Variants in PDE4D observed in about 807,000 individuals in gnomAD.
PDE4D encodes 3',5'-cyclic-AMP phosphodiesterase 4D.
Under a neutral mutation model 87.4 loss-of-function variants are expected in PDE4D, and 24 were observed. That is an observed-to-expected ratio of 0.27 (90% CI 0.20 to 0.39). The LOEUF (loss-of-function observed/expected upper bound fraction) is 0.39. Ranked by LOEUF, PDE4D falls within the 10% of genes least tolerant of loss-of-function variation. The pLI, the probability that PDE4D is intolerant of heterozygous loss-of-function variation, is 1.00. For missense variants in PDE4D, 714 were observed against 1,041.0 expected (o/e 0.69, Z 4.32); for synonymous variants, 384 against 383.2 (o/e 1.00, Z -0.02).
intron 1 of PDE4D, among the ~76,000 whole-genome samples, chr5:59,367,853 G>A (rs148380151): frequency 3.3e-5 from 5 of 152,284 alleles, no homozygotes; most frequent in East Asian, 3.9e-4. Flanking sequence ...AATCCACTTC[G>A]TGCCAGTTTG....
At chr5:60,376,834 A>G (rs181971140) in intron 1 of PDE4D, among the ~76,000 whole-genome samples, 3 of 152,284 alleles carry the variant, frequency 2.0e-5, no homozygotes, top group African/African-American at 7.2e-5. Context: ...TTTGTTGACT[A>G]TCTCCAAATG....
intron 1 of PDE4D, among the ~76,000 whole-genome samples, chr5:59,262,497 T>G (rs1762183880): frequency 6.6e-6 from 1 of 151,802 alleles, no homozygotes; most frequent in Non-Finnish European, 1.5e-5. Context: ...GGGAGTGTGG[T>G]AAAGCTAAAA....
At chr5:59,473,100 A>G (rs932785513) in intron 1 of PDE4D, among the ~76,000 whole-genome samples, 18 of 150,564 alleles carry the variant, frequency 1.2e-4, no homozygotes, top group African/African-American at 4.4e-4. Flanking sequence ...AAAAAAAAAA[A>G]AAAGAGAAAA....
At chr5:59,137,252 A>G (rs1346446469) in intron 5 of PDE4D, among the ~76,000 whole-genome samples, 1 of 152,202 alleles carries the variant, frequency 6.6e-6, no homozygotes, top group Non-Finnish European at 1.5e-5. Flanking sequence ...CTCTTGGATT[A>G]GGATTTCCAA....
intron 6 of PDE4D, among the ~76,000 whole-genome samples, chr5:59,020,197 G>A (rs958578905): frequency 4.6e-5 from 7 of 152,110 alleles, no homozygotes; most frequent in South Asian, 4.1e-4. Context: ...GATGTTGGCC[G>A]GGTGTGGTGA....
rs1408241529 is a variant in PDE4D at position 59,152,755 on chromosome 5, C to A, written c.808+27840G>T. On this transcript the variant is annotated intron_variant, in intron 5 of 14. Coordinates refer to ENST00000340635, the MANE Select transcript of PDE4D (RefSeq NM_001104631.2). ...CTAGTGTTCTTGGTGGTGTTTCTTT[C>A]CAAGTTTCTCTCCACAACACAAACC... Among the ~76,000 whole-genome samples, 3 of 152,174 alleles carry A rather than the reference C, an allele frequency of 2.0e-5. 1 individual carries two copies. In the South Asian group the frequency reaches 6.3e-4, roughly 32 times the overall value.
At chr5:59,492,297 G>T (rs986382908) in intron 1 of PDE4D, among the ~76,000 whole-genome samples, 1 of 152,132 alleles carries the variant, frequency 6.6e-6, no homozygotes, top group East Asian at 1.9e-4. Flanking sequence ...ATTCACTAGA[G>T]AATTTATTCA....
intron 1 of PDE4D, among the ~76,000 whole-genome samples, chr5:59,501,199 T>C (rs1808234334): frequency 6.6e-6 from 1 of 152,216 alleles, no homozygotes; most frequent in Admixed American, 6.5e-5. Context: ...TATCATGTAG[T>C]CATTTCTTAG....
intron 2 of PDE4D, among the ~76,000 whole-genome samples, chr5:60,153,331 C>A (rs2149445818): frequency 6.6e-6 from 1 of 152,252 alleles, no homozygotes; most frequent in African/African-American, 2.4e-5. Flanking sequence ...TATCACCTCA[C>A]ATCTATTAGA....
chr5:59,722,131 T>C (rs1336073615), intron 1 of PDE4D, among the ~76,000 whole-genome samples: 1 of 152,200 alleles, frequency 6.6e-6, no homozygotes, highest in Non-Finnish European at 1.5e-5. Context: ...TACCCTATAA[T>C]TAATCTTCAT....
chr5:59,710,482 C>T (rs1456755648), intron 1 of PDE4D, among the ~76,000 whole-genome samples: 2 of 152,072 alleles, frequency 1.3e-5, no homozygotes, highest in Non-Finnish European at 2.9e-5. Flanking sequence ...CACTCTAATC[C>T]CTTAAAATTT....
chr5:59,661,096 ATT>A (rs35897206), intron 1 of PDE4D, among the ~76,000 whole-genome samples: 3 of 143,936 alleles, frequency 2.1e-5, no homozygotes, highest in Admixed American at 7.0e-5. Flanking sequence ...ATATATATAT[ATT>A]TTGTCATCTA....
At chr5:59,397,456 C>T (rs202217969) in intron 1 of PDE4D, among the ~76,000 whole-genome samples, 1,216 of 113,746 alleles carry the variant, frequency 0.011, 298 homozygotes, top group Non-Finnish European at 0.016. Flanking sequence ...ACATGGAAAC[C>T]GAACAACCTG....
chr5:59,620,290 T>A (rs1830193702), intron 1 of PDE4D, among the ~76,000 whole-genome samples: 1 of 152,090 alleles, frequency 6.6e-6, no homozygotes, highest in South Asian at 2.1e-4. Context: ...AACACAAGGG[T>A]TAAAAATGGG....
At chr5:60,088,193 C>T (rs1477398908) in intron 2 of PDE4D, among the ~76,000 whole-genome samples, 2 of 151,696 alleles carry the variant, frequency 1.3e-5, no homozygotes, top group Non-Finnish European at 1.5e-5. Flanking sequence ...AAAAAACTTT[C>T]TCAGACAAAC....
intron 1 of PDE4D, among the ~76,000 whole-genome samples, chr5:60,348,512 T>C (rs1405067869): frequency 6.6e-6 from 1 of 152,116 alleles, no homozygotes; most frequent in Non-Finnish European, 1.5e-5. Context: ...TATTAATTAG[T>C]CTTAGTAGAA....
intron 2 of PDE4D, among the ~76,000 whole-genome samples, chr5:60,007,835 A>G (rs1020503033): frequency 1.3e-5 from 2 of 152,058 alleles, no homozygotes; most frequent in African/African-American, 4.8e-5. Flanking sequence ...CATGGCAGGC[A>G]CTGATTTAGG....
At chr5:59,593,019 T>C (rs1826125476) in intron 1 of PDE4D, among the ~76,000 whole-genome samples, 1 of 151,838 alleles carries the variant, frequency 6.6e-6, no homozygotes, top group African/African-American at 2.4e-5. Flanking sequence ...TAAATGTTGT[T>C]TGCATATACC....
At chr5:59,946,618 T>G (rs540771056) in intron 3 of PDE4D, among the ~76,000 whole-genome samples, 1 of 152,384 alleles carries the variant, frequency 6.6e-6, no homozygotes, top group African/African-American at 2.4e-5. Flanking sequence ...AGAAGCCATT[T>G]GCTCTAGCTG....
Sources: gnomAD v4.1 joint callset for allele counts (sites outside exome capture counted in the v4.1 genomes callset) on GRCh38, gnomAD v4.1.1 for gene constraint, MANE v1.5 for transcripts, NCBI Gene and HGNC (gene_info 2026-07-23, HGNC 2026-07-21) for gene names.